The following HLA-DQA2 variants were observed in gnomAD, a reference collection of about 807,000 sequenced individuals.
The protein encoded by HLA-DQA2 is major histocompatibility complex, class II, DQ alpha 2.
HLA-DQA2 carries 17 observed loss-of-function variants against 21.0 expected under a neutral mutation model. That is an observed-to-expected ratio of 0.81 (90% confidence interval 0.56 to 1.22). The LOEUF (loss-of-function observed/expected upper bound fraction) is 1.22, where lower values mean the gene tolerates loss of function less well. Among genes scored for constraint, HLA-DQA2 ranks in the 50% most tolerant of loss-of-function variants. HLA-DQA2 has a pLI of 0.00. For synonymous variants in HLA-DQA2, 81 were observed against 116.5 expected, an observed-to-expected ratio of 0.70 and a Z score of 1.96; for missense variants, 239 against 308.8, an observed-to-expected ratio of 0.77 and a Z score of 1.69.
chr6:32,746,734 C>T lies in HLA-DQA2; in HGVS notation c.*173C>T. On this transcript the variant is annotated 3_prime_UTR_variant, in exon 5 of 5. Coordinates refer to ENST00000374940, the MANE Select transcript of HLA-DQA2 (RefSeq NM_020056.5). ...AGGTGCTATATTCCCTCAGAGCTCA[C>T]AAATGCCTTTCAATTCTTTCCCTGA... 1 of 557,696 alleles carries T rather than the reference C, an allele frequency of 1.8e-6. No individual in the cohort carries two copies. The highest frequency in any genetic ancestry group is 1.6e-5 in the South Asian group (1 of 64,130). 34.5% of individuals were successfully genotyped at this position (557,696 alleles called of 1,614,324 possible).
At chr6:32,744,316 C>G (rs559892629) in intron 1 of HLA-DQA2, among the ~76,000 whole-genome samples, 1 of 152,172 alleles carries the variant, frequency 6.6e-6, no homozygotes, top group African/African-American at 2.4e-5. Context: ...CTGGCATCCT[C>G]GGATAAGCTC....
At chr6:32,745,644 G>A in intron 2 of HLA-DQA2, 147 bp from the exon 3 acceptor site, 3 of 1,008,340 alleles carry the variant, frequency 3.0e-6, no homozygotes, top group Non-Finnish European at 4.3e-6. Context: ...CAGAGGCAAT[G>A]TGTCGTTGCT....
chr6:32,746,547 T>C, intron 4 of HLA-DQA2, 35 bp from the exon 5 acceptor site: 1 of 967,226 alleles, frequency 1.0e-6, no homozygotes, highest in African/African-American at 1.6e-5. Context: ...AGGAGGCCCC[T>C]CAGACCCATC....
At position 32,741,543 on chromosome 6, in the gene HLA-DQA2, G is replaced by C. The variant is rs1194283410; in HGVS notation, c.82+18G>C. 1 of 1,607,848 alleles carries C rather than the reference G, an allele frequency of 6.2e-7. No homozygotes were observed. Among genetic ancestry groups the C allele is most frequent in the Non-Finnish European group, 8.5e-7 (1 of 1,174,788 alleles). ...CATTGTGGGTGAGTACATGAGTGAG[G>C]AATGTTCTCTGGAGCTGAAAAACAG... is the stretch of plus-strand genomic sequence containing the variant. On this transcript the variant is annotated intron_variant, in intron 1 of 4. Coordinates refer to ENST00000374940, the MANE Select transcript of HLA-DQA2 (RefSeq NM_020056.5).
Position 32,745,276 on chromosome 6 carries a change from C to G in HLA-DQA2, c.200C>G (p.Thr67Ser). 1 of 1,613,928 alleles carries G rather than the reference C, an allele frequency of 6.2e-7. No individual in the cohort carries two copies. Among genetic ancestry groups the G allele is most frequent in the Non-Finnish European group, 8.5e-7 (1 of 1,179,976 alleles). Residue 67 changes from threonine to serine, a missense_variant, in exon 2 of 5, where the codon ACT becomes AGT. Physicochemically the swap from Thr to Ser is moderately conservative, Grantham distance 58. Coordinates refer to ENST00000374940, the MANE Select transcript of HLA-DQA2 (RefSeq NM_020056.5). ...TATGTGGACCTGGAGACGAAAGAGA[C>G]TGTCTGGCAGTTGCCTATGTTTAGC... The part of the protein sequence containing the change: ...EFYVDLETKE[T>S]VWQLPMFSKF...
At chr6:32,745,023 T>C in intron 1 of HLA-DQA2, 136 bp from the exon 2 acceptor site, 1 of 969,318 alleles carries the variant, frequency 1.0e-6, no homozygotes, top group South Asian at 1.6e-5. Flanking sequence ...AGGAAGCAGG[T>C]GTTAGGAAGA....
At chr6:32,746,558 G>T (rs1055658982) in intron 4 of HLA-DQA2, 24 bp from the exon 5 acceptor site, 63 of 877,734 alleles carry the variant, frequency 7.2e-5, no homozygotes, top group Non-Finnish European at 1.1e-4. Flanking sequence ...CAGACCCATC[G>T]ATCTCATGTC....
chr6:32,745,411 C>T lies in HLA-DQA2; in HGVS notation c.331+4C>T, dbSNP rs2213565. On this transcript the variant is annotated splice_donor_region_variant and intron_variant, in intron 2 of 4. Coordinates refer to ENST00000374940, the MANE Select transcript of HLA-DQA2 (RefSeq NM_020056.5). ...AACTCTACCGCTGCCACCAATGGTA[C>T]GTGTCCACCATTCCGCCTCTCTTTA... 1,260,252 of 1,611,758 alleles carry T rather than the reference C, an allele frequency of 0.78. 494,767 individuals carry two copies. Among genetic ancestry groups the T allele is most frequent in the South Asian group, 0.92 (83,252 of 90,980 alleles).
chr6:32,744,376 A>G (rs559728393), intron 1 of HLA-DQA2, among the ~76,000 whole-genome samples: 3 of 152,178 alleles, frequency 2.0e-5, no homozygotes, highest in Admixed American at 2.0e-4. Flanking sequence ...CCTCGAGTGA[A>G]TGTAATTGTT....
In HLA-DQA2 at chr6:32,741,591, T is replaced by G. The variant is rs557518685; in HGVS notation, c.82+66T>G. 4 of 1,326,354 alleles carry G rather than the reference T, an allele frequency of 3.0e-6. No homozygotes were observed. In the African/African-American group the frequency reaches 6.4e-5, roughly 21 times the overall value. The allele number at this position is 1,326,354 out of a possible 1,614,324, so 82.2% of individuals were successfully genotyped here. On this transcript the variant is annotated intron_variant, in intron 1 of 4. Transcript: ENST00000374940. The stretch of plus-strand genomic sequence containing the variant: ...CAGTAAATTAAAGGAAAAGAGAGAG[T>G]GTAATTTGCTAAGAAATAGTAGAAA...
chr6:32,746,481 G>A, intron 4 of HLA-DQA2, 67 bp downstream of exon 4: 1 of 1,578,946 alleles, frequency 6.3e-7, no homozygotes, highest in African/African-American at 1.3e-5. Context: ...GGGGGTTGTG[G>A]ACATGAATGT....
At chr6:32,744,965 G>C (rs1763460941) in intron 1 of HLA-DQA2, among the ~76,000 whole-genome samples, 194 bp from the exon 2 acceptor site, 1 of 152,222 alleles carries the variant, frequency 6.6e-6, no homozygotes, top group Non-Finnish European at 1.5e-5. Context: ...GTTATAGTGA[G>C]AAAGACAGAA....
chr6:32,742,686 T>A (rs1340370033), intron 1 of HLA-DQA2, among the ~76,000 whole-genome samples: 1 of 152,146 alleles, frequency 6.6e-6, no homozygotes. Context: ...ACTTGGCTTT[T>A]TTGTTTCAAA....
chr6:32,747,117 G>C lies in HLA-DQA2; in HGVS notation c.*556G>C, dbSNP rs9276441. The C allele has an allele frequency of 0.62, 96,040 of 155,528 alleles. 29,994 individuals are homozygous for C. The highest frequency in any genetic ancestry group is 0.81 in the East Asian group (4,405 of 5,416). The allele number at this position is 155,528 out of a possible 1,614,324, so 9.6% of individuals were successfully genotyped here. A position where few individuals can be genotyped will look rare whatever the true frequency, so the allele number is the denominator to read the frequency against. On this transcript the variant is annotated 3_prime_UTR_variant, in exon 5 of 5. Transcript: ENST00000374940. ...TTGTTCCTACCCTTGGCCACTGCCA[G>C]CCACCCCTCAATTCAGGTACCAACG...
At chr6:32,742,345 T>A (rs1379472216) in intron 1 of HLA-DQA2, among the ~76,000 whole-genome samples, 2 of 146,782 alleles carry the variant, frequency 1.4e-5, no homozygotes, top group East Asian at 4.1e-4. Flanking sequence ...AATTACTAGT[T>A]CTTCACCTTA....
At chr6:32,745,703 G>A in intron 2 of HLA-DQA2, 88 bp from the exon 3 acceptor site, 2 of 1,571,290 alleles carry the variant, frequency 1.3e-6, no homozygotes, top group Non-Finnish European at 1.7e-6. Context: ...GTGGTGAAAT[G>A]CTGGTAGGAG....
chr6:32,746,971 G>T lies in HLA-DQA2; in HGVS notation c.*410G>T. On this transcript the variant is annotated 3_prime_UTR_variant, in exon 5 of 5. Transcript: ENST00000374940. ...TAGAATGGGCGACTCTTATGTTTTAGGCCAATTTCATATCATTCCCCAGAT... is the reference window on the plus strand; with the variant it reads ...TAGAATGGGCGACTCTTATGTTTTATGCCAATTTCATATCATTCCCCAGAT... The T allele has an allele frequency of 3.7e-6, 1 of 268,912 alleles. No individual in the cohort carries two copies. The highest frequency in any genetic ancestry group is 4.0e-5 in the South Asian group (1 of 24,710). The allele number at this position is 268,912 out of a possible 1,614,324, so 16.7% of individuals were successfully genotyped here.
chr6:32,745,568 T>C (rs1763518970), intron 2 of HLA-DQA2, among the ~76,000 whole-genome samples, 161 bp downstream of exon 2: 1 of 144,358 alleles, frequency 6.9e-6, no homozygotes, highest in South Asian at 2.2e-4. Context: ...TACAAGGGTC[T>C]TTCCATTATG....
At chr6:32,745,759 C>T (rs1434500090) in intron 2 of HLA-DQA2, 32 bp from the exon 3 acceptor site, 5 of 1,612,522 alleles carry the variant, frequency 3.1e-6, no homozygotes, top group Non-Finnish European at 4.2e-6. Flanking sequence ...GAGCTATTCA[C>T]ACTTCACATC....
Sources: allele counts gnomAD v4.1 joint callset (sites outside exome capture counted in the v4.1 genomes callset), GRCh38; gene constraint gnomAD v4.1.1; transcripts MANE v1.5; gene names NCBI Gene and HGNC (gene_info 2026-07-23, HGNC 2026-07-21).